NUP93: variants seen among roughly 807,000 people sequenced by gnomAD.
The protein encoded by NUP93 is nuclear pore complex protein Nup93.
Under a neutral mutation model 107.8 loss-of-function variants are expected in NUP93, and 55 were observed. That is an observed-to-expected ratio of 0.51 (90% CI 0.41 to 0.64). NUP93 has a LOEUF of 0.64. Ranked by LOEUF, NUP93 falls within the 30% of genes least tolerant of loss-of-function variation. The pLI is 0.00. For missense variants in NUP93, 937 were observed against 1,044.7 expected (o/e 0.90, Z 1.42); for synonymous variants, 390 against 397.5 (o/e 0.98, Z 0.22).
intron 3 of NUP93, 67 bp from the exon 4 acceptor site, chr16:56,798,409 C>T (rs558508377): frequency 7.5e-7 from 1 of 1,328,614 alleles, no homozygotes; most frequent in East Asian, 2.3e-5. Context: ...TTATTGTTTG[C>T]CCTGCAGTAT....
chr16:56,823,378 T>C (rs1409311283), intron 7 of NUP93, among the ~76,000 whole-genome samples: 1 of 152,246 alleles, frequency 6.6e-6, no homozygotes, highest in Admixed American at 6.5e-5. Context: ...ATTCCTTGTC[T>C]CTGAAGGGAT....
chr16:56,824,940 G>C (rs889211725), intron 8 of NUP93, among the ~76,000 whole-genome samples: 1 of 152,218 alleles, frequency 6.6e-6, no homozygotes, highest in South Asian at 2.1e-4. Context: ...GAATTTTTGT[G>C]TTTAAGTTTT....
At chr16:56,793,160 A>G (rs1046557473) in intron 3 of NUP93, among the ~76,000 whole-genome samples, 1 of 152,248 alleles carries the variant, frequency 6.6e-6, no homozygotes, top group Non-Finnish European at 1.5e-5. Context: ...GCTGGAAACC[A>G]AAACACATTT....
intron 3 of NUP93, among the ~76,000 whole-genome samples, chr16:56,765,403 G>C (rs1962199258): frequency 6.6e-6 from 1 of 152,120 alleles, no homozygotes; most frequent in Non-Finnish European, 1.5e-5. Flanking sequence ...CTGTTTCTCA[G>C]CTTATGACAG....
At chr16:56,840,543 A>G (rs1964003082) in intron 20 of NUP93, among the ~76,000 whole-genome samples, 1 of 152,152 alleles carries the variant, frequency 6.6e-6, no homozygotes, top group Non-Finnish European at 1.5e-5. Flanking sequence ...GACCTCCCCC[A>G]GTCATTCCAG....
chr16:56,753,092 T>C (rs896186584), intron 2 of NUP93, among the ~76,000 whole-genome samples: 3 of 152,332 alleles, frequency 2.0e-5, no homozygotes, highest in East Asian at 3.9e-4. Flanking sequence ...ACAAAACTCA[T>C]TGATCGCCTT....
chr16:56,798,558 T>G lies in NUP93; in HGVS notation c.360+20T>G, dbSNP rs943690985. The G allele has an allele frequency of 6.9e-6, 11 of 1,604,114 alleles. No homozygotes were observed. The highest frequency in any genetic ancestry group is 8.5e-6 in the Non-Finnish European group (10 of 1,171,090). Reference sequence around the variant, plus strand: ...AAGAGGGTAAGAAAATTAACCAAAATGTAGATGTATACAGATGAGGGCAAG... The same window carrying G: ...AAGAGGGTAAGAAAATTAACCAAAAGGTAGATGTATACAGATGAGGGCAAG... On this transcript the variant is annotated intron_variant, in intron 4 of 21. Transcript: ENST00000308159.
At chr16:56,758,762 T>A in intron 3 of NUP93, 107 bp downstream of exon 3, 1 of 758,622 alleles carries the variant, frequency 1.3e-6, no homozygotes, top group Non-Finnish European at 2.3e-6. Context: ...CTTTGTTAAC[T>A]TTCTTCTTCC....
chr16:56,847,479 A>T lies in NUP93; in HGVS notation c.*2870A>T, dbSNP rs75181213. On this transcript the variant is annotated 3_prime_UTR_variant, in exon 22 of 22. Transcript: ENST00000308159. ...CAGATGTGAGATTTCGATCTTTCTA[A>T]TGAAATTGGGGGCACTTTGAGACTG... The T allele has an allele frequency of 6.6e-6, 1 of 152,126 alleles. No individual in the cohort carries two copies. The highest frequency in any genetic ancestry group is 2.4e-5 in the African/African-American group (1 of 41,396). The allele number at this position is 152,126 out of a possible 1,614,324, so 9.4% of individuals were successfully genotyped here.
At chr16:56,732,588 A>G (rs1961552558) in intron 1 of NUP93, among the ~76,000 whole-genome samples, 1 of 152,174 alleles carries the variant, frequency 6.6e-6, no homozygotes, top group Non-Finnish European at 1.5e-5. Flanking sequence ...TGCAGTGTGA[A>G]CAGCTGGAGA....
intron 3 of NUP93, among the ~76,000 whole-genome samples, chr16:56,793,606 A>G (rs1427767014): frequency 1.3e-5 from 2 of 152,134 alleles, no homozygotes; most frequent in Non-Finnish European, 2.9e-5. Context: ...GAGAGAAAGG[A>G]AACACATGGG....
chr16:56,739,505 G>A (rs1281862748), intron 1 of NUP93, among the ~76,000 whole-genome samples: 15 of 111,338 alleles, frequency 1.3e-4, no homozygotes, highest in Non-Finnish European at 2.1e-4. Flanking sequence ...CGGACGGGGC[G>A]GCTGGCCGGG....
chr16:56,790,122 C>T (rs1349828302), intron 3 of NUP93, among the ~76,000 whole-genome samples: 2 of 151,382 alleles, frequency 1.3e-5, no homozygotes. Context: ...CAAAACAAAA[C>T]AAAACAAAAA....
intron 1 of NUP93, among the ~76,000 whole-genome samples, chr16:56,734,616 A>G (rs1248531751): frequency 1.4e-5 from 2 of 139,766 alleles, no homozygotes; most frequent in Admixed American, 7.2e-5. Context: ...GGAAGCTACT[A>G]TATCACCCAG....
intron 2 of NUP93, among the ~76,000 whole-genome samples, chr16:56,757,028 A>T (rs1402603247): frequency 6.6e-6 from 1 of 152,162 alleles, no homozygotes; most frequent in African/African-American, 2.4e-5. Context: ...CCTGGAGGGA[A>T]AGTCCCGGGG....
At chr16:56,834,548 T>G (rs1158599183) in intron 15 of NUP93, 106 bp downstream of exon 15, 1 of 1,270,822 alleles carries the variant, frequency 7.9e-7, no homozygotes, top group African/African-American at 1.5e-5. Context: ...GGATAAGGCC[T>G]AGGGAGTTTT....
intron 3 of NUP93, chr16:56,781,930 C>T (rs1962523039): frequency 4.1e-6 from 4 of 985,166 alleles, no homozygotes; most frequent in Non-Finnish European, 3.6e-6. Flanking sequence ...CTGCAGTGCA[C>T]CCTTTTTAAA....
intron 5 of NUP93, among the ~76,000 whole-genome samples, chr16:56,815,899 G>GCTGCTGCTGCTGCTGCTGC (rs1555495759): frequency 2.0e-4 from 19 of 96,030 alleles, no homozygotes; most frequent in East Asian, 1.0e-3. Flanking sequence ...GCTGCTGCTG[G>GCTGCTGCTGCTGCTGCTGC]TGCTGCTGCT....
At chr16:56,805,066 T>G (rs13338063) in intron 4 of NUP93, among the ~76,000 whole-genome samples, 71,566 of 151,870 alleles carry the variant, frequency 0.47, 17,335 homozygotes, top group East Asian at 0.69. Flanking sequence ...AGTGCAGTTT[T>G]TTTTGTTTTG....
Sources: gnomAD v4.1 joint callset for allele counts (sites outside exome capture counted in the v4.1 genomes callset) on GRCh38, gnomAD v4.1.1 for gene constraint, MANE v1.5 for transcripts, NCBI Gene and HGNC (gene_info 2026-07-23, HGNC 2026-07-21) for gene names.